MYL1: variants seen among roughly 807,000 people sequenced by gnomAD.
MYL1 encodes the protein myosin light chain 1/3, skeletal muscle isoform.
Under a neutral mutation model 21.8 loss-of-function variants are expected in MYL1, and 16 were observed. The observed-to-expected ratio is 0.74, with a 90% CI of 0.50 to 1.12. MYL1 has a LOEUF of 1.12. Among genes scored for constraint, MYL1 ranks in the 50% most tolerant of loss-of-function variants. MYL1 has a pLI of 0.00. For synonymous variants in MYL1, 99 were observed against 85.2 expected, an observed-to-expected ratio of 1.16 and a Z score of -0.89; for missense variants, 246 against 241.0, an observed-to-expected ratio of 1.02 and a Z score of -0.14.
intron 1 of MYL1, among the ~76,000 whole-genome samples, chr2:210,307,490 T>C (rs72996438): frequency 0.016 from 2,385 of 152,298 alleles, 31 homozygotes; most frequent in Non-Finnish European, 0.025. Context: ...TGAATTATTG[T>C]TTATGTACCT....
chr2:210,304,054 G>T (rs1690303525), intron 1 of MYL1, among the ~76,000 whole-genome samples: 1 of 152,230 alleles, frequency 6.6e-6, no homozygotes, highest in Non-Finnish European at 1.5e-5. Flanking sequence ...TATAGCAGGA[G>T]CATCCTCTGA....
chr2:210,297,705 T>C (rs1453476663), intron 3 of MYL1, among the ~76,000 whole-genome samples: 1 of 152,122 alleles, frequency 6.6e-6, no homozygotes, highest in Non-Finnish European at 1.5e-5. Context: ...ACTGGATTTC[T>C]GGATTGAGTA....
chr2:210,305,652 C>G (rs1018223105), intron 1 of MYL1, among the ~76,000 whole-genome samples: 3 of 152,184 alleles, frequency 2.0e-5, no homozygotes, highest in Middle Eastern at 3.4e-3. Flanking sequence ...CCCTACTAAA[C>G]ATAATTATTT....
intron 3 of MYL1, among the ~76,000 whole-genome samples, 197 bp downstream of exon 3, chr2:210,298,223 A>G (rs1393511412): frequency 6.6e-6 from 1 of 151,940 alleles, no homozygotes; most frequent in Non-Finnish European, 1.5e-5. Flanking sequence ...GAGACTTTCT[A>G]TGGCCAAGAG....
At chr2:210,302,089 T>C (rs1373264152) in intron 2 of MYL1, among the ~76,000 whole-genome samples, 4 of 152,148 alleles carry the variant, frequency 2.6e-5, no homozygotes, top group Non-Finnish European at 5.9e-5. Flanking sequence ...AGTTTTGTAA[T>C]CAATTTTGTT....
In MYL1 at chr2:210,313,862, G is replaced by A. The variant is rs976643398; in HGVS notation, c.132+1049C>T. Among the ~76,000 whole-genome samples, 3 of 152,136 alleles carry A rather than the reference G, an allele frequency of 2.0e-5. No individual in the cohort carries two copies. The East Asian group carries it at 5.8e-4, about 29-fold the overall frequency. ...AGCATCATAGTTACAAGTAAACAAT[G>A]GTAAATTGGCAAAATTGAGATTTAT... On this transcript the variant is annotated intron_variant, in intron 1 of 6. Coordinates refer to ENST00000352451, the MANE Select transcript of MYL1 (RefSeq NM_079420.3).
intron 3 of MYL1, 150 bp from the exon 4 acceptor site, chr2:210,294,568 G>C: frequency 1.4e-6 from 1 of 712,862 alleles, no homozygotes; most frequent in Non-Finnish European, 2.3e-6. Flanking sequence ...TCAAGAATAT[G>C]GTAATAGTTA....
At chr2:210,313,474 T>C (rs757248116) in intron 1 of MYL1, among the ~76,000 whole-genome samples, 4 of 151,890 alleles carry the variant, frequency 2.6e-5, no homozygotes, top group Non-Finnish European at 5.9e-5. Flanking sequence ...AGATGAAAAA[T>C]TTGGTTTCCT....
At chr2:210,307,035 C>T (rs1690349532) in intron 1 of MYL1, among the ~76,000 whole-genome samples, 1 of 152,170 alleles carries the variant, frequency 6.6e-6, no homozygotes, top group Admixed American at 6.5e-5. Context: ...ATGCTCTCCT[C>T]TCATTGCTTC....
At chr2:210,312,799 A>T (rs977790250) in intron 1 of MYL1, among the ~76,000 whole-genome samples, 7 of 151,844 alleles carry the variant, frequency 4.6e-5, no homozygotes, top group African/African-American at 1.7e-4. Context: ...AATCCATCAC[A>T]TCTCTTGTTC....
intron 1 of MYL1, among the ~76,000 whole-genome samples, chr2:210,308,084 T>C (rs1028098435): frequency 4.0e-5 from 6 of 151,842 alleles, no homozygotes; most frequent in African/African-American, 9.7e-5. Flanking sequence ...CCTTGCAACA[T>C]ACAATGGGGA....
At chr2:210,304,058 C>T (rs1690303600) in intron 1 of MYL1, among the ~76,000 whole-genome samples, 1 of 152,142 alleles carries the variant, frequency 6.6e-6, no homozygotes, top group African/African-American at 2.4e-5. Flanking sequence ...GCAGGAGCAT[C>T]CTCTGAAGTG....
intron 1 of MYL1, among the ~76,000 whole-genome samples, chr2:210,312,961 G>A (rs1170394733): frequency 6.6e-6 from 1 of 151,846 alleles, no homozygotes; most frequent in African/African-American, 2.4e-5. Flanking sequence ...CATATTGACA[G>A]ACGAATGTCA....
At chr2:210,297,909 AGAG>A (rs957770910) in intron 3 of MYL1, among the ~76,000 whole-genome samples, 12 of 152,142 alleles carry the variant, frequency 7.9e-5, no homozygotes, top group African/African-American at 2.9e-4. Context: ...AGCTTTTATC[AGAG>A]GAGAACTTCT....
intron 1 of MYL1, among the ~76,000 whole-genome samples, chr2:210,304,785 A>G (rs1690315744): frequency 6.6e-6 from 1 of 152,202 alleles, no homozygotes; most frequent in African/African-American, 2.4e-5. Context: ...GCCTCAAGCC[A>G]TCATCCTGCC....
intron 1 of MYL1, among the ~76,000 whole-genome samples, chr2:210,306,727 T>A (rs1430277135): frequency 2.0e-5 from 3 of 152,004 alleles, no homozygotes; most frequent in Non-Finnish European, 4.4e-5. Flanking sequence ...ACACTTTTTT[T>A]TTTTTTTGAG....
intron 3 of MYL1, among the ~76,000 whole-genome samples, chr2:210,296,859 C>G (rs191793178): frequency 1.0e-3 from 159 of 152,116 alleles, no homozygotes; most frequent in African/African-American, 3.6e-3. Flanking sequence ...TTTTTAGATT[C>G]TACATATGAG....
At chr2:210,296,840 G>C (rs1233145795) in intron 3 of MYL1, among the ~76,000 whole-genome samples, 2 of 151,906 alleles carry the variant, frequency 1.3e-5, no homozygotes, top group African/African-American at 4.8e-5. Flanking sequence ...CACTTCTCCA[G>C]ATCAAAATTT....
chr2:210,293,663 G>T, intron 5 of MYL1, 60 bp downstream of exon 5: 1 of 1,385,486 alleles, frequency 7.2e-7, no homozygotes, highest in Non-Finnish European at 1.0e-6. Context: ...CTCAAAAGGA[G>T]CCCATCATCA....
Sources: gnomAD v4.1 joint callset for allele counts (sites outside exome capture counted in the v4.1 genomes callset) on GRCh38, gnomAD v4.1.1 for gene constraint, MANE v1.5 for transcripts, NCBI Gene and HGNC (gene_info 2026-07-23, HGNC 2026-07-21) for gene names.